The following DLC1 variants were observed in gnomAD, a reference collection of about 807,000 sequenced individuals.
DLC1 encodes the protein rho GTPase-activating protein 7.
DLC1 carries 54 observed loss-of-function variants against 140.3 expected under a neutral mutation model. That is an observed-to-expected ratio of 0.38 (90% CI 0.31 to 0.48). The LOEUF (loss-of-function observed/expected upper bound fraction) is 0.48. Among genes scored for constraint, DLC1 ranks in the 20% least tolerant of loss-of-function variants. The pLI, the probability that DLC1 is intolerant of heterozygous loss-of-function variation, is 0.96. For missense variants in DLC1, 2,536 were observed against 1,907.0 expected, an observed-to-expected ratio of 1.33 and a Z score of -6.14; for synonymous variants, 986 against 728.1, an observed-to-expected ratio of 1.35 and a Z score of -5.70.
chr8:13,407,101 G>T (rs1461249921), intron 2 of DLC1, among the ~76,000 whole-genome samples: 1 of 152,142 alleles, frequency 6.6e-6, no homozygotes, highest in African/African-American at 2.4e-5. Flanking sequence ...AATTAGGAGA[G>T]AAATTTCAAT....
At chr8:13,484,904 T>G (rs1381798711) in intron 2 of DLC1, among the ~76,000 whole-genome samples, 1 of 151,914 alleles carries the variant, frequency 6.6e-6, no homozygotes, top group Non-Finnish European at 1.5e-5. Flanking sequence ...TCACAGTGGT[T>G]GGACCAGGAG....
intron 2 of DLC1, among the ~76,000 whole-genome samples, chr8:13,409,680 T>C (rs62492179): frequency 3.9e-5 from 6 of 152,202 alleles, no homozygotes; most frequent in Non-Finnish European, 4.4e-5. Flanking sequence ...AACCCTTGGC[T>C]TCAAGAGCAA....
chr8:13,314,585 T>A (rs1832793915), intron 4 of DLC1, among the ~76,000 whole-genome samples: 2 of 152,184 alleles, frequency 1.3e-5, no homozygotes, highest in African/African-American at 2.4e-5. Flanking sequence ...TTCATTTTAA[T>A]AATTCAATGC....
At position 13,094,962 on chromosome 8, in the gene DLC1, C is replaced by T. The variant is rs756391357; in HGVS notation, c.3328-5G>A. On this transcript the variant is annotated splice_polypyrimidine_tract_variant and splice_region_variant and intron_variant, in intron 11 of 17. Transcript: ENST00000276297. ...CGATTTTCTGAAGAGCCCAACCTGT[C>T]GGAAGAGCAACACTAAGTGTGGGGT... The T allele has an allele frequency of 3.2e-5, 51 of 1,613,968 alleles. No individual in the cohort carries two copies. Among genetic ancestry groups the T allele is most frequent in the Non-Finnish European group, 3.6e-5 (42 of 1,179,974 alleles).
At position 13,109,155 on chromosome 8, in the gene DLC1, T is replaced by G. The variant is rs188248472; in HGVS notation, c.1502+1587A>C. On this transcript the variant is annotated intron_variant, in intron 7 of 17. Coordinates refer to ENST00000276297, the MANE Select transcript of DLC1 (RefSeq NM_182643.3). ...TTACTTTGGCTGCTTCATATAACAC[T>G]GTATTATATGAGAAAGGCAGAAAAC... Among the ~76,000 whole-genome samples the G allele has an allele frequency of 3.3e-5, 5 of 152,314 alleles. No homozygotes were observed. The East Asian group carries it at 9.6e-4, about 29-fold the overall frequency.
chr8:13,427,517 T>C (rs188770045), intron 2 of DLC1, among the ~76,000 whole-genome samples: 5 of 152,358 alleles, frequency 3.3e-5, no homozygotes, highest in Admixed American at 3.3e-4. Flanking sequence ...TGGATCTGTT[T>C]CTGTCTCTGT....
Position 13,499,524 on chromosome 8 carries a change from A to G in DLC1, c.548T>C (p.Val183Ala). 6.2e-7 allele frequency: 1 copy of G among 1,614,118 alleles called. No individual in the cohort carries two copies. The highest frequency in any genetic ancestry group is 8.5e-7 in the Non-Finnish European group (1 of 1,180,000). Residue 183 changes from valine (V) to alanine (A), a missense_variant, in exon 2 of 18, where the codon GTT (valine) becomes GCT (alanine). Physicochemically the swap from Val to Ala is moderately conservative, Grantham distance 64 (BLOSUM62 0). Transcript: ENST00000276297. ...ALVKESGERKVTDSISKSLEL... is the reference protein window; with the variant it reads ...ALVKESGERKATDSISKSLEL... The stretch of plus-strand genomic sequence containing the variant: ...CAGGCTTTTACTTATAGAGTCAGTA[A>G]CTTTTCTCTCCCCACTTTCTTTTAC...
chr8:13,332,860 A>T (rs1301626192), intron 4 of DLC1, among the ~76,000 whole-genome samples: 1 of 151,872 alleles, frequency 6.6e-6, no homozygotes. Context: ...TTAAAATGTG[A>T]TTTTTTTGTG....
intron 4 of DLC1, among the ~76,000 whole-genome samples, chr8:13,363,217 C>T (rs73205703): frequency 3.3e-5 from 5 of 152,042 alleles, no homozygotes; most frequent in Non-Finnish European, 7.4e-5. Flanking sequence ...ATTTGGATTT[C>T]TTTGTAGTTT....
intron 5 of DLC1, among the ~76,000 whole-genome samples, chr8:13,152,472 C>G (rs1823892992): frequency 6.6e-6 from 1 of 152,142 alleles, no homozygotes; most frequent in Non-Finnish European, 1.5e-5. Flanking sequence ...ATGAATTATT[C>G]TTAGTTAATG....
chr8:13,309,245 C>G (rs1832573597), intron 4 of DLC1, among the ~76,000 whole-genome samples: 1 of 152,006 alleles, frequency 6.6e-6, no homozygotes, highest in Non-Finnish European at 1.5e-5. Context: ...ATATTTTTTT[C>G]TCTTATTTCT....
intron 4 of DLC1, among the ~76,000 whole-genome samples, chr8:13,308,903 G>T (rs1347260847): frequency 6.6e-6 from 1 of 152,152 alleles, no homozygotes; most frequent in Non-Finnish European, 1.5e-5. Context: ...TCCATGTCCT[G>T]AGGTCCCATC....
intron 5 of DLC1, among the ~76,000 whole-genome samples, chr8:13,161,352 G>C (rs189045395): frequency 3.9e-4 from 59 of 151,998 alleles, no homozygotes; most frequent in Non-Finnish European, 7.5e-4. Flanking sequence ...GTTTTGTTTT[G>C]TTTGAGACAG....
chr8:13,091,126 A>G (rs990167258), intron 14 of DLC1, among the ~76,000 whole-genome samples, 192 bp downstream of exon 14: 2 of 152,182 alleles, frequency 1.3e-5, no homozygotes, highest in African/African-American at 4.8e-5. Flanking sequence ...AAGTAAAGGG[A>G]CAATTTCATT....
intron 5 of DLC1, among the ~76,000 whole-genome samples, chr8:13,194,467 G>T (rs1226549291): frequency 1.3e-5 from 2 of 152,174 alleles, no homozygotes; most frequent in Admixed American, 6.5e-5. Flanking sequence ...GGCAGTCCTG[G>T]AGTAAAAGAA....
At chr8:13,451,700 C>A (rs1039941551) in intron 2 of DLC1, among the ~76,000 whole-genome samples, 13 of 152,140 alleles carry the variant, frequency 8.5e-5, no homozygotes, top group Admixed American at 5.2e-4. Flanking sequence ...GGATCACATT[C>A]TTTTTTTAAA....
chr8:13,286,000 A>T (rs77968230), intron 5 of DLC1, among the ~76,000 whole-genome samples: 1,632 of 152,292 alleles, frequency 0.011, 27 homozygotes, highest in African/African-American at 0.037. Context: ...AACCGGGGAA[A>T]TATTTGCACA....
chr8:13,127,616 G>A (rs528525353), intron 5 of DLC1, among the ~76,000 whole-genome samples: 4 of 152,224 alleles, frequency 2.6e-5, no homozygotes, highest in Admixed American at 6.5e-5. Flanking sequence ...GGGACACAGC[G>A]TGGCTGTGGG....
chr8:13,206,805 G>A (rs1286819527), intron 5 of DLC1, among the ~76,000 whole-genome samples: 4 of 151,972 alleles, frequency 2.6e-5, no homozygotes, highest in African/African-American at 7.2e-5. Context: ...TTACCATACA[G>A]AGGTTTGCTG....
Sources: allele counts gnomAD v4.1 joint callset (sites outside exome capture counted in the v4.1 genomes callset), GRCh38; gene constraint gnomAD v4.1.1; transcripts MANE v1.5; gene names NCBI Gene and HGNC (gene_info 2026-07-23, HGNC 2026-07-21).